The following ODAD2 variants were observed in gnomAD, a reference collection of about 807,000 sequenced individuals.
ODAD2 encodes the protein outer dynein arm docking complex subunit 2, also known as outer dynein arm-docking complex subunit 2.
A neutral mutation model predicts 106.8 loss-of-function variants in ODAD2; 89 were observed. The observed-to-expected ratio is 0.83, with a 90% CI of 0.70 to 0.99. The LOEUF is 0.99. ODAD2 is among the 50% of genes least tolerant of loss of function. ODAD2 has a pLI of 0.00. For synonymous variants in ODAD2, 404 were observed against 436.2 expected (o/e 0.93, Z 0.92); for missense variants, 1,168 against 1,238.5 (o/e 0.94, Z 0.85).
intron 17 of ODAD2, among the ~76,000 whole-genome samples, chr10:27,865,788 CT>C (rs1161181386): frequency 6.6e-6 from 1 of 152,194 alleles, no homozygotes; most frequent in East Asian, 1.9e-4. Flanking sequence ...TAAACTCCTA[CT>C]AAATGGTGAA....
At chr10:27,958,742 C>A (rs1847902145) in intron 10 of ODAD2, 3 of 819,610 alleles carry the variant, frequency 3.7e-6, no homozygotes, top group East Asian at 6.6e-5. Flanking sequence ...TGTTGTATTT[C>A]ATTTAATATT....
chr10:27,891,050 A>G (rs1409316343), intron 17 of ODAD2, among the ~76,000 whole-genome samples: 1 of 152,146 alleles, frequency 6.6e-6, no homozygotes, highest in Admixed American at 6.6e-5. Flanking sequence ...CCTAGCATGA[A>G]ACTAAACCCC....
At chr10:27,870,845 T>C (rs1467665506) in intron 17 of ODAD2, among the ~76,000 whole-genome samples, 1 of 152,212 alleles carries the variant, frequency 6.6e-6, no homozygotes, top group Non-Finnish European at 1.5e-5. Context: ...AGCAACATGA[T>C]TCATAATCCT....
At chr10:27,927,736 T>C (rs1035483788) in intron 16 of ODAD2, among the ~76,000 whole-genome samples, 14 of 152,124 alleles carry the variant, frequency 9.2e-5, no homozygotes, top group Admixed American at 5.9e-4. Flanking sequence ...CTCACTCTTC[T>C]AGTTCCCCGC....
chr10:27,967,853 T>TG, intron 9 of ODAD2, among the ~76,000 whole-genome samples: 1 of 150,644 alleles, frequency 6.6e-6, no homozygotes, highest in South Asian at 2.2e-4. Flanking sequence ...ATTGTACCAC[T>TG]GCACTCCAGC....
Position 27,961,449 on chromosome 10 carries a change from A to G in ODAD2, c.1386+119T>C, listed in dbSNP as rs1434608615. ...CCTGCACAAACTTAGATAAAACAACAGGAATGCTTACTACTCTTATTTGAA... is the reference window on the plus strand; with the variant it reads ...CCTGCACAAACTTAGATAAAACAACGGGAATGCTTACTACTCTTATTTGAA... On this transcript the variant is annotated intron_variant, in intron 10 of 19. Coordinates refer to ENST00000305242, the MANE Select transcript of ODAD2 (RefSeq NM_018076.5). 8.9e-6 allele frequency: 9 copies of G among 1,011,228 alleles called. No homozygotes were observed. In the East Asian group the frequency reaches 1.0e-4, roughly 11 times the overall value. 62.6% of individuals were successfully genotyped at this position (1,011,228 alleles called of 1,614,324 possible). A position where few individuals can be genotyped will look rare whatever the true frequency, so the allele number is the denominator to read the frequency against.
intron 16 of ODAD2, among the ~76,000 whole-genome samples, chr10:27,915,849 T>A (rs1457670246): frequency 6.6e-6 from 1 of 152,108 alleles, no homozygotes; most frequent in Admixed American, 6.6e-5. Flanking sequence ...AGAAAGAAAC[T>A]CTATGATCTT....
At chr10:27,823,669 C>T (rs1836791399) in intron 19 of ODAD2, among the ~76,000 whole-genome samples, 2 of 152,134 alleles carry the variant, frequency 1.3e-5, no homozygotes, top group African/African-American at 2.4e-5. Flanking sequence ...TGACCAGAGG[C>T]ATTAATATTT....
intron 16 of ODAD2, among the ~76,000 whole-genome samples, chr10:27,926,338 T>G (rs549730566): frequency 3.3e-5 from 5 of 151,204 alleles, no homozygotes; most frequent in Admixed American, 1.3e-4. Context: ...AGAATTATCA[T>G]ACAGAATTCA....
At chr10:27,981,615 A>G in intron 6 of ODAD2, 33 bp from the exon 7 acceptor site, 1 of 1,373,100 alleles carries the variant, frequency 7.3e-7, no homozygotes. Flanking sequence ...TTCTATGATT[A>G]ACATAAGAAC....
intron 19 of ODAD2, among the ~76,000 whole-genome samples, chr10:27,854,206 A>C (rs1310844358): frequency 6.6e-6 from 1 of 152,210 alleles, no homozygotes; most frequent in African/African-American, 2.4e-5. Context: ...GTCTAAAATC[A>C]AAAAGACTGG....
chr10:27,854,896 A>C (rs1839552267), intron 19 of ODAD2, among the ~76,000 whole-genome samples: 1 of 152,204 alleles, frequency 6.6e-6, no homozygotes, highest in Admixed American at 6.5e-5. Context: ...AAGCTGAGTG[A>C]AGGAAGCCAA....
chr10:27,921,999 T>C (rs1377947204), intron 16 of ODAD2, among the ~76,000 whole-genome samples: 1 of 150,686 alleles, frequency 6.6e-6, no homozygotes, highest in East Asian at 1.9e-4. Context: ...AAACCCTGTC[T>C]CTACAAAAAC....
At chr10:27,990,819 C>T (rs1284627502) in intron 2 of ODAD2, among the ~76,000 whole-genome samples, 1 of 152,140 alleles carries the variant, frequency 6.6e-6, no homozygotes, top group African/African-American at 2.4e-5. Context: ...GACCTGACTT[C>T]CTGTCCCAAC....
intron 7 of ODAD2, among the ~76,000 whole-genome samples, chr10:27,973,678 G>A (rs556101804): frequency 3.4e-4 from 51 of 152,178 alleles, no homozygotes; most frequent in African/African-American, 1.2e-3. Flanking sequence ...TCTTTATCCA[G>A]TCTCCCACTG....
At chr10:27,940,468 A>T (rs1237370738) in intron 13 of ODAD2, 95 bp downstream of exon 13, 5 of 1,445,832 alleles carry the variant, frequency 3.5e-6, no homozygotes, top group Non-Finnish European at 4.7e-6. Context: ...CTAGAAAAAG[A>T]ATGTCCTTGA....
At chr10:27,874,053 A>T (rs1589882836) in intron 17 of ODAD2, among the ~76,000 whole-genome samples, 1 of 152,174 alleles carries the variant, frequency 6.6e-6, no homozygotes, top group South Asian at 2.1e-4. Context: ...TATTGGGTGC[A>T]TATATATTTA....
chr10:27,980,071 A>G (rs1215949996), intron 7 of ODAD2, among the ~76,000 whole-genome samples: 1 of 152,216 alleles, frequency 6.6e-6, no homozygotes, highest in Admixed American at 6.5e-5. Flanking sequence ...GAGACCATCC[A>G]AAAGAGAAAG....
chr10:27,898,839 T>A (rs1843009088), intron 17 of ODAD2, among the ~76,000 whole-genome samples: 1 of 152,152 alleles, frequency 6.6e-6, no homozygotes, highest in African/African-American at 2.4e-5. Context: ...GAGATCTTTT[T>A]AATTTTTTGG....
Sources: gnomAD v4.1 joint callset for allele counts (sites outside exome capture counted in the v4.1 genomes callset) on GRCh38, gnomAD v4.1.1 for gene constraint, MANE v1.5 for transcripts, NCBI Gene and HGNC (gene_info 2026-07-23, HGNC 2026-07-21) for gene names.